Variants in SLC9A9 observed in about 807,000 individuals in gnomAD.
The protein encoded by SLC9A9 is solute carrier family 9 member A9.
Under a neutral mutation model 77.8 loss-of-function variants are expected in SLC9A9, and 62 were observed. The ratio of observed to expected loss-of-function variants is 0.80; its 90% CI spans 0.65 to 0.98. The LOEUF (loss-of-function observed/expected upper bound fraction) is 0.98, where lower values mean the gene tolerates loss of function less well. Among genes scored for constraint, SLC9A9 ranks in the 50% least tolerant of loss-of-function variants. SLC9A9 has a pLI of 0.00. For synonymous variants in SLC9A9, 320 were observed against 283.5 expected (o/e 1.13, Z -1.29); for missense variants, 775 against 774.9 (o/e 1.00, Z 0.00).
chr3:143,616,025 C>T (rs945567192), intron 6 of SLC9A9, among the ~76,000 whole-genome samples: 5 of 151,876 alleles, frequency 3.3e-5, no homozygotes, highest in Admixed American at 6.6e-5. Context: ...GGACTACAGG[C>T]GCCCACCACC....
intron 2 of SLC9A9, among the ~76,000 whole-genome samples, chr3:143,828,395 T>A (rs1900642): frequency 0.26 from 39,153 of 152,088 alleles, 6,161 homozygotes; most frequent in Non-Finnish European, 0.34. Context: ...TGGGGATACA[T>A]TGGTCAGTAA....
chr3:143,297,559 T>C (rs547309465), intron 14 of SLC9A9, among the ~76,000 whole-genome samples: 5 of 152,234 alleles, frequency 3.3e-5, no homozygotes, highest in African/African-American at 7.2e-5. Context: ...TTGCCTTTTC[T>C]ATTTTTGTAA....
intron 4 of SLC9A9, among the ~76,000 whole-genome samples, chr3:143,753,673 T>C (rs1293677911): frequency 6.6e-6 from 1 of 152,110 alleles, no homozygotes; most frequent in Non-Finnish European, 1.5e-5. Flanking sequence ...TCACTGTAGA[T>C]GGATGTGGCT....
intron 4 of SLC9A9, among the ~76,000 whole-genome samples, chr3:143,743,805 C>T (rs1935140203): frequency 2.6e-5 from 4 of 152,184 alleles, no homozygotes; most frequent in Admixed American, 2.6e-4. Flanking sequence ...CGTGTGATTG[C>T]TATGTGCTAG....
At chr3:143,405,244 C>T (rs1215236925) in intron 12 of SLC9A9, among the ~76,000 whole-genome samples, 1 of 152,138 alleles carries the variant, frequency 6.6e-6, no homozygotes, top group Non-Finnish European at 1.5e-5. Flanking sequence ...ACTGAGATGT[C>T]TATTCATTTC....
At chr3:143,761,688 A>G (rs2007127727) in intron 4 of SLC9A9, among the ~76,000 whole-genome samples, 1 of 152,160 alleles carries the variant, frequency 6.6e-6, no homozygotes, top group South Asian at 2.1e-4. Context: ...AAGTCAGGAA[A>G]CAACAGGTGC....
intron 14 of SLC9A9, among the ~76,000 whole-genome samples, chr3:143,326,542 C>A (rs1178044804): frequency 6.6e-6 from 1 of 152,130 alleles, no homozygotes; most frequent in South Asian, 2.1e-4. Context: ...CCCCTCCCCC[C>A]AGGCCTTTGC....
intron 2 of SLC9A9, 135 bp from the exon 3 acceptor site, chr3:143,797,038 A>T: frequency 1.5e-6 from 1 of 660,542 alleles, no homozygotes; most frequent in South Asian, 2.0e-5. Context: ...GGCAGAGATG[A>T]AGGTAGGAAA....
intron 4 of SLC9A9, among the ~76,000 whole-genome samples, chr3:143,731,226 T>C (rs1934796253): frequency 6.6e-6 from 1 of 152,202 alleles, no homozygotes; most frequent in South Asian, 2.1e-4. Context: ...ACCATGTGTG[T>C]AACAGGTGAA....
At chr3:143,330,285 A>G (rs888130965) in intron 14 of SLC9A9, among the ~76,000 whole-genome samples, 1 of 152,226 alleles carries the variant, frequency 6.6e-6, no homozygotes, top group Non-Finnish European at 1.5e-5. Context: ...TTTTAAATTC[A>G]GCGCCAAGAG....
intron 2 of SLC9A9, chr3:143,811,885 G>T (rs2008876401): frequency 3.1e-6 from 1 of 326,712 alleles, no homozygotes; most frequent in South Asian, 2.3e-5. Context: ...AAAAGAAAAA[G>T]AAAAGAAAAA....
chr3:143,464,632 G>A (rs759532511), intron 12 of SLC9A9, among the ~76,000 whole-genome samples: 2 of 152,124 alleles, frequency 1.3e-5, no homozygotes, highest in Non-Finnish European at 2.9e-5. Context: ...TCCACTAGCG[G>A]TAGGAAGTCT....
At chr3:143,649,400 T>A (rs771866652) in intron 6 of SLC9A9, among the ~76,000 whole-genome samples, 29 of 152,170 alleles carry the variant, frequency 1.9e-4, no homozygotes, top group Middle Eastern at 3.2e-3. Flanking sequence ...TTATTTGCAT[T>A]TTAGCACAAA....
intron 12 of SLC9A9, among the ~76,000 whole-genome samples, chr3:143,460,776 A>G (rs1458918290): frequency 6.6e-6 from 1 of 152,236 alleles, no homozygotes; most frequent in Non-Finnish European, 1.5e-5. Flanking sequence ...GCTAATTCAT[A>G]ACAATTGTTA....
chr3:143,424,245 G>GA (rs113037872), intron 12 of SLC9A9, among the ~76,000 whole-genome samples: 2 of 148,426 alleles, frequency 1.3e-5, no homozygotes, highest in African/African-American at 2.5e-5. Context: ...AAAAATTCAA[G>GA]AAAAAAAGGA....
At chr3:143,528,316 C>A (rs1405019) in intron 9 of SLC9A9, among the ~76,000 whole-genome samples, 129,556 of 152,106 alleles carry the variant, frequency 0.85, 55,483 homozygotes, top group East Asian at 0.98. Flanking sequence ...AAGAATTCAG[C>A]ATTATTGGAA....
At chr3:143,485,106 T>C (rs1019402779) in intron 11 of SLC9A9, among the ~76,000 whole-genome samples, 53 of 152,346 alleles carry the variant, frequency 3.5e-4, no homozygotes, top group African/African-American at 1.3e-3. Context: ...CCTTCAGCCC[T>C]GTGGCAGGCA....
chr3:143,822,917 T>C (rs16854392), intron 2 of SLC9A9, among the ~76,000 whole-genome samples: 1 of 152,104 alleles, frequency 6.6e-6, no homozygotes, highest in African/African-American at 2.4e-5. Flanking sequence ...ACGCAATTAT[T>C]TGGAGAGCAG....
intron 12 of SLC9A9, among the ~76,000 whole-genome samples, chr3:143,440,947 T>C (rs1344969621): frequency 6.6e-6 from 1 of 152,234 alleles, no homozygotes; most frequent in Non-Finnish European, 1.5e-5. Flanking sequence ...CAACTTTATT[T>C]GGTGACATCA....
Sources: gnomAD v4.1 joint callset for allele counts (sites outside exome capture counted in the v4.1 genomes callset) on GRCh38, gnomAD v4.1.1 for gene constraint, MANE v1.5 for transcripts, NCBI Gene and HGNC (gene_info 2026-07-23, HGNC 2026-07-21) for gene names.